The following SECTM1 variants were observed in gnomAD, a reference collection of about 807,000 sequenced individuals.
SECTM1 encodes secreted and transmembrane protein 1.
Under a neutral mutation model 18.1 loss-of-function variants are expected in SECTM1, and 10 were observed. That is an observed-to-expected ratio of 0.55 (90% confidence interval 0.34 to 0.94). The LOEUF (loss-of-function observed/expected upper bound fraction) is 0.94, where lower values mean the gene tolerates loss of function less well. Among genes scored for constraint, SECTM1 ranks in the 40% least tolerant of loss-of-function variants. The probability of loss-of-function intolerance (pLI) is 0.02; values close to 1 mark genes in which losing one functional copy is unlikely to be tolerated. For missense variants in SECTM1, 297 were observed against 322.6 expected (o/e 0.92, Z 0.61); for synonymous variants, 137 against 139.2 (o/e 0.98, Z 0.11).
intron 1 of SECTM1, among the ~76,000 whole-genome samples, chr17:82,332,402 C>T (rs541748895): frequency 2.0e-5 from 3 of 152,306 alleles, no homozygotes; most frequent in East Asian, 3.9e-4. Flanking sequence ...CTGCCTGTCC[C>T]GGCTCCCATG....
Position 82,324,806 on chromosome 17 carries a change from G to A in SECTM1, c.179C>T (p.Ala60Val). Reference sequence around the variant, plus strand: ...CAGCTTGATGTTGACATGGGAGAAGGCGTTGGAGATGTTGCAGGACATGAC... The same window carrying A: ...CAGCTTGATGTTGACATGGGAGAAGACGTTGGAGATGTTGCAGGACATGAC... ...NTVMSCNISNAFSHVNIKLRA... is the reference protein window; with the variant it reads ...NTVMSCNISNVFSHVNIKLRA... The change falls in exon 3 of 5, where the codon GCC becomes GTC. Residue 60 changes from alanine to valine, a missense_variant. Ala to Val is a moderately conservative substitution (Grantham distance 64, BLOSUM62 0). Coordinates refer to ENST00000269389, the MANE Select transcript of SECTM1 (RefSeq NM_003004.3). The A allele has an allele frequency of 6.2e-7, 1 of 1,614,108 alleles. No individual in the cohort carries two copies. Among genetic ancestry groups the A allele is most frequent in the Non-Finnish European group, 8.5e-7 (1 of 1,180,020 alleles).
rs761960981 is a variant in SECTM1, at chr17:82,323,037, C to T, written c.404-26G>A. The T allele has an allele frequency of 3.1e-6, 5 of 1,598,138 alleles. No homozygotes were observed. In the South Asian group the frequency reaches 4.5e-5, roughly 14 times the overall value. ...CTGAAGGAGGCAGTTCAGGGGTGTA[C>T]AGGTGGGCTGGGCATCCCCCACCCC... is the stretch of plus-strand genomic sequence containing the variant. On this transcript the variant is annotated intron_variant, in intron 3 of 4. Coordinates refer to ENST00000269389, the MANE Select transcript of SECTM1 (RefSeq NM_003004.3).
Position 82,332,218 on chromosome 17 carries a change from G to T in SECTM1, c.-53+1482C>A, listed in dbSNP as rs536964792. Among the ~76,000 whole-genome samples the T allele has an allele frequency of 3.3e-5, 5 of 152,346 alleles. No homozygotes were observed. In the South Asian group the frequency reaches 6.2e-4, roughly 19 times the overall value. On this transcript the variant is annotated intron_variant, in intron 1 of 4. Transcript: ENST00000269389. ...GGCAATCAGATTTCTCTCAAACCAC[G>T]AACACAGGGGTCGGTATCTGAGGCG...
intron 3 of SECTM1, among the ~76,000 whole-genome samples, chr17:82,323,477 G>C (rs149927266): frequency 6.6e-6 from 1 of 151,342 alleles, no homozygotes; most frequent in Non-Finnish European, 1.5e-5. Flanking sequence ...CGGGTAGGTC[G>C]GAACCGGGTG....
rs1425970889 is a variant in SECTM1, at chr17:82,321,535, G to T, written c.*626C>A. 7 of 153,052 alleles carry T rather than the reference G, an allele frequency of 4.6e-5. No homozygotes were observed. The highest frequency in any genetic ancestry group is 1.9e-4 in the South Asian group (1 of 5,394). 9.5% of individuals were successfully genotyped at this position (153,052 alleles called of 1,614,324 possible). On this transcript the variant is annotated 3_prime_UTR_variant, in exon 5 of 5. Transcript: ENST00000269389. The stretch of plus-strand genomic sequence containing the variant: ...GTGGCCGAGGGACTGAGGGATGCGC[G>T]TCCAGCCCCGGAGGGCGGCGTCCAC...
rs2052154394 is a variant in SECTM1 at position 82,327,216 on chromosome 17, G to A, written c.25C>T (p.Pro9Ser). The change falls in exon 2 of 5, where the codon CCT becomes TCT. Residue 9 changes from proline (P) to serine (S), a missense_variant. By Grantham distance (74) the Pro-to-Ser change is moderately conservative. Coordinates refer to ENST00000269389, the MANE Select transcript of SECTM1 (RefSeq NM_003004.3). Reference protein sequence around the residue: MQTCPLAFPGHVSQALGTL... With the variant: MQTCPLAFSGHVSQALGTL... ...CCAAGGGCCTGGGAAACGTGGCCAG[G>A]GAATGCCAGGGGGCAGGTCTGCATG... 6.2e-7 allele frequency: 1 copy of A among 1,610,930 alleles called. No individual in the cohort carries two copies. Among genetic ancestry groups the A allele is most frequent in the African/African-American group, 1.3e-5 (1 of 74,998 alleles).
At position 82,324,859 on chromosome 17, in the gene SECTM1, T is replaced by G; in HGVS notation, c.126A>C (p.Val42=). Residue 42 remains valine (V), a synonymous_variant, in exon 3 of 5, where the codon GTA becomes GTC. Transcript: ENST00000269389. ...GWDSPICTEG[V]VSVSWGENTV... ...TGTTCTCGCCCCAAGACACAGAGACTACCCCCTCTGTGCAGATGGGGCTGT... is the reference window on the plus strand; with the variant it reads ...TGTTCTCGCCCCAAGACACAGAGACGACCCCCTCTGTGCAGATGGGGCTGT... The G allele has an allele frequency of 1.9e-6, 3 of 1,613,638 alleles. No individual in the cohort carries two copies. The highest frequency in any genetic ancestry group is 2.5e-6 in the Non-Finnish European group (3 of 1,179,874).
Position 82,322,003 on chromosome 17 carries a change from A to C in SECTM1, c.*158T>G. On this transcript the variant is annotated 3_prime_UTR_variant, in exon 5 of 5. Transcript: ENST00000269389. ...TTGGAAGACCTGGGGGGTGGAGGGG[A>C]AGGGTCTGCACGCACCCAGGAGTGG... is the stretch of plus-strand genomic sequence containing the variant. The C allele has an allele frequency of 1.6e-6, 1 of 620,332 alleles. No homozygotes were observed. Among genetic ancestry groups the C allele is most frequent in the Non-Finnish European group, 2.8e-6 (1 of 357,504 alleles). 38.4% of individuals were successfully genotyped at this position (620,332 alleles called of 1,614,324 possible).
intron 4 of SECTM1, 117 bp downstream of exon 4, chr17:82,322,761 T>C: frequency 7.8e-7 from 1 of 1,287,928 alleles, no homozygotes; most frequent in Non-Finnish European, 1.1e-6. Context: ...GGACCGGTGC[T>C]CCCCCCACCC....
rs1460726987 is a variant in SECTM1, at chr17:82,327,254, T to C, written c.-14A>G. The C allele has an allele frequency of 6.3e-7, 1 of 1,593,174 alleles. No homozygotes were observed. The highest frequency in any genetic ancestry group is 8.6e-7 in the Non-Finnish European group (1 of 1,168,642). ...GCAGGTCTGCATGGCTGGTGGGACTTGGGCCCCTGGTCCTTGTCACTGGCT... is the reference window on the plus strand; with the variant it reads ...GCAGGTCTGCATGGCTGGTGGGACTCGGGCCCCTGGTCCTTGTCACTGGCT... On this transcript the variant is annotated 5_prime_UTR_variant, in exon 2 of 5. Transcript: ENST00000269389.
Position 82,326,838 on chromosome 17 carries a change from C to T in SECTM1, c.94+309G>A, listed in dbSNP as rs2052149787. 1.3e-5 allele frequency among the ~76,000 whole-genome samples: 2 copies of T among 152,064 alleles called. No individual in the cohort carries two copies. The highest frequency in any genetic ancestry group is 2.9e-5 in the Non-Finnish European group (2 of 68,010). ...CAGACCCTCTCCCTTGGAAACTGGT[C>T]GTGATCTTGGTCCTTCCCCACAATT... is the stretch of plus-strand genomic sequence containing the variant. On this transcript the variant is annotated intron_variant, in intron 2 of 4. Coordinates refer to ENST00000269389, the MANE Select transcript of SECTM1 (RefSeq NM_003004.3). This position sits in a 1 kb window ranked among gnomAD's most constrained non-coding sequence, Gnocchi z 4.3.
In SECTM1 at chr17:82,322,224, T is replaced by C. The variant is rs971794665; in HGVS notation, c.684A>G (p.Ser228=). 36 of 1,612,310 alleles carry C rather than the reference T, an allele frequency of 2.2e-5. No homozygotes were observed. The highest frequency in any genetic ancestry group is 3.1e-5 in the Non-Finnish European group (36 of 1,179,114). The part of the protein sequence containing the change: ...PRPLALVFKP[S]PLGALELLSP... Reference sequence around the variant, plus strand: ...ACAGCAGCTCCAGGGCTCCAAGTGGTGAGGGTTTGAACACCAGTGCCAGCG... The same window carrying C: ...ACAGCAGCTCCAGGGCTCCAAGTGGCGAGGGTTTGAACACCAGTGCCAGCG... The change falls in exon 5 of 5, where the codon TCA becomes TCG. Residue 228 remains serine, a synonymous_variant. Transcript: ENST00000269389.
chr17:82,333,700 CG>C lies in SECTM1; in HGVS notation c.-54del, dbSNP rs1354078510. On this transcript the variant is annotated splice_region_variant and 5_prime_UTR_variant, in exon 1 of 5. Coordinates refer to ENST00000269389, the MANE Select transcript of SECTM1 (RefSeq NM_003004.3). Reference sequence around the variant, plus strand: ...CCGCCCGCCCCTCTCCGCGCCTCACCGGGTCCGCTCCTGGACGCGCTCCTCT... The same window carrying C: ...CCGCCCGCCCCTCTCCGCGCCTCACCGGTCCGCTCCTGGACGCGCTCCTCT... The C allele has an allele frequency of 6.5e-6, 1 of 154,836 alleles. No individual in the cohort carries two copies. Among genetic ancestry groups the C allele is most frequent in the Non-Finnish European group, 1.4e-5 (1 of 69,422 alleles). 9.6% of individuals were successfully genotyped at this position (154,836 alleles called of 1,614,324 possible).
rs2147265589 is a variant in SECTM1, at chr17:82,322,276, G to A, written c.632C>T (p.Thr211Ile). The A allele has an allele frequency of 1.9e-6, 3 of 1,611,386 alleles. No individual in the cohort carries two copies. The highest frequency in any genetic ancestry group is 2.5e-6 in the Non-Finnish European group (3 of 1,178,258). The change falls in exon 5 of 5, where the codon ACC (threonine) becomes ATC (isoleucine). Residue 211 changes from threonine (T) to isoleucine (I), a missense_variant. Coordinates refer to ENST00000269389, the MANE Select transcript of SECTM1 (RefSeq NM_003004.3). ...CCTTGGGGTGGGCTCGGAGTCTGGG[G>A]TCCACAGTTCAGCGGAGGCTCTGCT... Reference protein sequence around the residue: ...GLSRASAELWTPDSEPTPRPL... With the variant: ...GLSRASAELWIPDSEPTPRPL...
intron 3 of SECTM1, 56 bp downstream of exon 3, chr17:82,324,526 C>T: frequency 2.6e-6 from 2 of 763,248 alleles, no homozygotes; most frequent in South Asian, 5.4e-5. Flanking sequence ...GGCCCCCTCC[C>T]CTCCCCGTGT....
At position 82,321,140 on chromosome 17, in the gene SECTM1, G is replaced by C. The variant is rs1369663837; in HGVS notation, c.*1021C>G. ...CCGGCTGTGCGAGGCCTCGGTCACC[G>C]GGCGCCGCCGCGTCCCTGCGGGGTC... On this transcript the variant is annotated 3_prime_UTR_variant, in exon 5 of 5. Coordinates refer to ENST00000269389, the MANE Select transcript of SECTM1 (RefSeq NM_003004.3). 6.6e-6 allele frequency: 1 copy of C among 152,196 alleles called. No homozygotes were observed. The highest frequency in any genetic ancestry group is 1.5e-5 in the Non-Finnish European group (1 of 68,048). The allele number at this position is 152,196 out of a possible 1,614,324, so 9.4% of individuals were successfully genotyped here.
At position 82,330,877 on chromosome 17, in the gene SECTM1, G is replaced by T. The variant is rs902395173; in HGVS notation, c.-53+2823C>A. ...TCTTTCTGGCCTCATCCTCTCCATG[G>T]TCTCAGCCCCTGGCGGCCTGGACTG... On this transcript the variant is annotated intron_variant, in intron 1 of 4. Coordinates refer to ENST00000269389, the MANE Select transcript of SECTM1 (RefSeq NM_003004.3). This position sits in a 1 kb window ranked among gnomAD's most constrained non-coding sequence, Gnocchi z 6.1. Among the ~76,000 whole-genome samples the T allele has an allele frequency of 1.3e-5, 2 of 152,076 alleles. No homozygotes were observed. The highest frequency in any genetic ancestry group is 2.4e-5 in the African/African-American group (1 of 41,384).
At chr17:82,324,532 C>A (rs755919421) in intron 3 of SECTM1, 50 bp downstream of exon 3, 1 of 1,079,974 alleles carries the variant, frequency 9.3e-7, no homozygotes. Flanking sequence ...CTCCCCTCCC[C>A]GTGTCCCCTC....
rs2052172312 is a variant in SECTM1, at chr17:82,329,150, CT to C, written c.-52-1859del. 6.6e-6 allele frequency: 1 copy of C among 152,298 alleles called. No homozygotes were observed. The highest frequency in any genetic ancestry group is 2.4e-5 in the African/African-American group (1 of 41,404). The allele number at this position is 152,298 out of a possible 1,614,324, so 9.4% of individuals were successfully genotyped here. A position where few individuals can be genotyped will look rare whatever the true frequency, so the allele number is the denominator to read the frequency against. ...ACCTGGCTTGCAGACGGGCTCCGGC[CT>C]TCTCGTCCCATTGCCCCAAGCGCTC... On this transcript the variant is annotated intron_variant, in intron 1 of 4. Coordinates refer to ENST00000269389, the MANE Select transcript of SECTM1 (RefSeq NM_003004.3). This position sits in a 1 kb window ranked among gnomAD's most constrained non-coding sequence, Gnocchi z 7.6.
Sources: allele counts gnomAD v4.1 joint callset (sites outside exome capture counted in the v4.1 genomes callset), GRCh38; gene constraint gnomAD v4.1.1; non-coding constraint Gnocchi (gnomAD v3.1); transcripts MANE v1.5; gene names NCBI Gene and HGNC (gene_info 2026-07-23, HGNC 2026-07-21).